The following MYH1 variants were observed in gnomAD, a reference collection of about 807,000 sequenced individuals.
MYH1 encodes the protein myosin heavy chain 1.
A neutral mutation model predicts 225.6 loss-of-function variants in MYH1; 214 were observed. The observed-to-expected ratio is 0.95, with a 90% CI of 0.85 to 1.06. The LOEUF (loss-of-function observed/expected upper bound fraction) is 1.06. Among genes scored for constraint, MYH1 ranks in the 50% least tolerant of loss-of-function variants. MYH1 has a pLI of 0.00. For missense variants in MYH1, 2,098 were observed against 2,344.2 expected (o/e 0.89, Z 2.17); for synonymous variants, 774 against 842.3 (o/e 0.92, Z 1.40).
intron 16 of MYH1, 43 bp from the exon 17 acceptor site, chr17:10,507,999 G>A: frequency 7.1e-7 from 1 of 1,402,658 alleles, no homozygotes; most frequent in Non-Finnish European, 9.9e-7. Context: ...CCTTTCTCTG[G>A]TTATGGTTTT....
Position 10,496,420 on chromosome 17 carries a change from T to C in MYH1, c.4786A>G (p.Arg1596Gly), listed in dbSNP as rs1211590351. The C allele has an allele frequency of 6.2e-7, 1 of 1,613,992 alleles. No individual in the cohort carries two copies. Among genetic ancestry groups the C allele is most frequent in the Non-Finnish European group, 8.5e-7 (1 of 1,180,010 alleles). Residue 1596 changes from arginine (R) to glycine (G), a missense_variant, in exon 34 of 40, where the codon AGA becomes GGA. Coordinates refer to ENST00000226207, the MANE Select transcript of MYH1 (RefSeq NM_005963.4). ...EIDQMKRNHI[R>G]IVESMQSTLD... is the part of the protein sequence containing the mutation. ...GTGCTCTGCATGGACTCCACGATTCTAATGTGGTTTCTCTTCATCTGGTCA... is the reference window on the plus strand; with the variant it reads ...GTGCTCTGCATGGACTCCACGATTCCAATGTGGTTTCTCTTCATCTGGTCA...
Position 10,495,044 on chromosome 17 carries a change from G to A in MYH1, c.5353C>T (p.Arg1785Trp), listed in dbSNP as rs139004562. 33 of 1,614,146 alleles carry A rather than the reference G, an allele frequency of 2.0e-5. No homozygotes were observed. Among genetic ancestry groups the A allele is most frequent in the Middle Eastern group, 3.3e-4 (2 of 6,062 alleles). ...KEQDTSAHLE[R>W]MKKNLEQTVK... ...GTCTGTTCCAGGTTCTTCTTCATCC[G>A]CTCCAGATGGGCGCTGGTGTCCTGT... The change falls in exon 37 of 40, where the codon CGG becomes TGG. Residue 1785 changes from arginine to tryptophan, a missense_variant. Transcript: ENST00000226207.
At chr17:10,504,180 G>T (rs917868815) in intron 22 of MYH1, among the ~76,000 whole-genome samples, 1 of 152,126 alleles carries the variant, frequency 6.6e-6, no homozygotes, top group Non-Finnish European at 1.5e-5. Flanking sequence ...TTAGATAGTG[G>T]CTTTTGATCA....
At chr17:10,506,163 C>T in intron 17 of MYH1, 64 bp from the exon 18 acceptor site, 1 of 1,582,790 alleles carries the variant, frequency 6.3e-7, no homozygotes, top group Non-Finnish European at 8.7e-7. Flanking sequence ...TATTTATAGA[C>T]ATAATTATTG....
chr17:10,508,807 G>A (rs2073142973), intron 15 of MYH1, 135 bp from the exon 16 acceptor site: 1 of 1,308,620 alleles, frequency 7.6e-7, no homozygotes, highest in Non-Finnish European at 1.0e-6. Context: ...CGTTCCTTTG[G>A]TCAGAAGTCA....
chr17:10,518,084 T>C (rs890454245), intron 2 of MYH1, among the ~76,000 whole-genome samples, 156 bp downstream of exon 2: 6 of 152,074 alleles, frequency 3.9e-5, no homozygotes, highest in African/African-American at 1.2e-4. Context: ...GTTTCTAAAG[T>C]CATTCTCCAT....
chr17:10,512,435 C>T lies in MYH1; in HGVS notation c.1120G>A (p.Glu374Lys). The change falls in exon 12 of 40, where the codon GAG becomes AAG. Residue 374 changes from glutamate (E) to lysine (K), a missense_variant. Physicochemically the swap from Glu to Lys is moderately conservative, Grantham distance 56. Coordinates refer to ENST00000226207, the MANE Select transcript of MYH1 (RefSeq NM_005963.4). Reference protein sequence around the residue: ...NMKFKQKQREEQAEPDGTEVA... With the variant: ...NMKFKQKQREKQAEPDGTEVA... ...TCAGTGCCATCTGGCTCAGCTTGCT[C>T]CTCACGCTGCTTTTGCTTGAATTTC... 1 of 1,614,116 alleles carries T rather than the reference C, an allele frequency of 6.2e-7. No homozygotes were observed. Among genetic ancestry groups the T allele is most frequent in the Non-Finnish European group, 8.5e-7 (1 of 1,180,012 alleles).
At position 10,512,521 on chromosome 17, in the gene MYH1, G is replaced by A. The variant is rs150975395; in HGVS notation, c.1034C>T (p.Thr345Ile). 76 of 1,613,986 alleles carry A rather than the reference G, an allele frequency of 4.7e-5. No individual in the cohort carries two copies. In the African/African-American group the frequency reaches 9.9e-4, roughly 21 times the overall value. Reference protein sequence around the residue: ...TDSAIEILGFTSDERVSIYKL... With the variant: ...TDSAIEILGFISDERVSIYKL... ...ATAGATGGACACTCTTTCATCTGAA[G>A]TAAAGCCCAGAATTTCAATGGCACT... The change falls in exon 12 of 40, where the codon ACT (threonine) becomes ATT (isoleucine). Residue 345 changes from threonine to isoleucine, a missense_variant. Coordinates refer to ENST00000226207, the MANE Select transcript of MYH1 (RefSeq NM_005963.4).
At position 10,495,192 on chromosome 17, in the gene MYH1, A is replaced by T. The variant is rs1192114177; in HGVS notation, c.5295T>A (p.Asp1765Glu). The T allele has an allele frequency of 1.2e-6, 2 of 1,614,032 alleles. No homozygotes were observed. The highest frequency in any genetic ancestry group is 2.7e-5 in the African/African-American group (2 of 74,914). ...CACCACTGTGTTACCCTTCACTCAC[A>T]TCAGTGATGGCCTTCTTGGCCTTCT... Reference protein sequence around the residue: ...AEEKAKKAITDAAMMAEELKK... With the variant: ...AEEKAKKAITEAAMMAEELKK... The change falls in exon 36 of 40, where the codon GAT (aspartate) becomes GAA (glutamate). Residue 1765 changes from aspartate to glutamate, a missense_variant and splice_region_variant. Coordinates refer to ENST00000226207, the MANE Select transcript of MYH1 (RefSeq NM_005963.4).
At chr17:10,508,721 A>G in intron 15 of MYH1, 49 bp from the exon 16 acceptor site, 1 of 1,588,062 alleles carries the variant, frequency 6.3e-7, no homozygotes, top group Middle Eastern at 1.7e-4. Context: ...GTCTGCTTAT[A>G]GAAATAACAT....
chr17:10,501,809 C>A lies in MYH1; in HGVS notation c.3214G>T (p.Asp1072Tyr), dbSNP rs1224060220. 9.3e-6 allele frequency: 15 copies of A among 1,613,598 alleles called. No individual in the cohort carries two copies. The highest frequency in any genetic ancestry group is 1.2e-5 in the Non-Finnish European group (14 of 1,179,778). ...AGTTGTTGTTTGTCATTTTCTATAT[C>A]CATTGTGGATTCTTGAGCCAATTTT... is the stretch of plus-strand genomic sequence containing the variant. ...DLKLAQESTM[D>Y]IENDKQQLDE... Residue 1072 changes from aspartate to tyrosine, a missense_variant, in exon 25 of 40, where the codon GAT becomes TAT. Transcript: ENST00000226207.
At position 10,494,931 on chromosome 17, in the gene MYH1, C is replaced by T; in HGVS notation, c.5466G>A (p.Arg1822=). Residue 1822 remains arginine (R), a splice_region_variant and synonymous_variant, in exon 37 of 40, where the codon AGG becomes AGA. Transcript: ENST00000226207. ...AATACATGCTGATTAGGAGACCCAC[C>T]CTGGCCTCCAGTTTCTGGATCTGCT... is the stretch of plus-strand genomic sequence containing the variant. ...GKKQIQKLEA[R]VRELEGEVES... is the part of the protein sequence containing the mutation. 1 of 1,614,044 alleles carries T rather than the reference C, an allele frequency of 6.2e-7. No homozygotes were observed. The highest frequency in any genetic ancestry group is 1.1e-5 in the South Asian group (1 of 91,080).
In MYH1 at chr17:10,505,526, C is replaced by A; in HGVS notation, c.2175-15G>T. 6.2e-7 allele frequency: 1 copy of A among 1,605,788 alleles called. No homozygotes were observed. The highest frequency in any genetic ancestry group is 8.5e-7 in the Non-Finnish European group (1 of 1,177,298). On this transcript the variant is annotated splice_polypyrimidine_tract_variant and intron_variant, in intron 19 of 39. Transcript: ENST00000226207. ...ACACCTTGTATCTGTTTAAGCCAGA[C>A]AAAAAAATGATATGGCTGTTGCCAC...
At chr17:10,500,923 A>T (rs1284351106) in intron 27 of MYH1, among the ~76,000 whole-genome samples, 171 bp from the exon 28 acceptor site, 2 of 152,168 alleles carry the variant, frequency 1.3e-5, no homozygotes, top group African/African-American at 4.8e-5. Flanking sequence ...GACTAATAAG[A>T]TACATAGTCC....
At chr17:10,497,988 G>T in intron 30 of MYH1, 71 bp from the exon 31 acceptor site, 1 of 1,396,860 alleles carries the variant, frequency 7.2e-7, no homozygotes, top group Non-Finnish European at 9.7e-7. Context: ...GTACAAGAGA[G>T]TGAATTCCAC....
In MYH1 at chr17:10,509,545, A is replaced by T; in HGVS notation, c.1527T>A (p.Ile509=). ...TCCCAAAGTCAATGAACGTCCACTCAATGCCTTCCTTCTTGTACTCCTCCT... is the reference window on the plus strand; with the variant it reads ...TCCCAAAGTCAATGAACGTCCACTCTATGCCTTCCTTCTTGTACTCCTCCT... ...LEQEEYKKEG[I]EWTFIDFGMD... Residue 509 remains isoleucine, a synonymous_variant, in exon 15 of 40, where the codon ATT becomes ATA. Transcript: ENST00000226207. 1 of 1,614,190 alleles carries T rather than the reference A, an allele frequency of 6.2e-7. No homozygotes were observed. The highest frequency in any genetic ancestry group is 8.5e-7 in the Non-Finnish European group (1 of 1,180,026).
chr17:10,505,355 G>A, intron 20 of MYH1, 33 bp downstream of exon 20: 2 of 1,614,160 alleles, frequency 1.2e-6, no homozygotes, highest in African/African-American at 1.3e-5. Context: ...AAAGGGACAG[G>A]AATAGCATCA....
Position 10,503,006 on chromosome 17 carries a change from CT to C in MYH1, c.2933del (p.Lys978ArgfsTer2), listed in dbSNP as rs745599237. On this transcript the variant is annotated frameshift_variant and splice_region_variant, in exon 23 of 40. Transcript: ENST00000226207. LOFTEE classifies it high-confidence loss of function. ...CAGTACTGTAGAATATGATTGATAC[CT>C]TGTTTTCTGTGGCATGTTTCTCCTT... ...VEKEKHATEN[K>X]VKNLTEEMAG... 2 of 1,613,880 alleles carry C rather than the reference CT, an allele frequency of 1.2e-6. No individual in the cohort carries two copies. Among genetic ancestry groups the C allele is most frequent in the South Asian group, 2.2e-5 (2 of 91,060 alleles).
At position 10,492,854 on chromosome 17, in the gene MYH1, T is replaced by TTG. The variant is rs1555565572; in HGVS notation, c.5668-287_5668-286insCA. Among the ~76,000 whole-genome samples the TTG allele has an allele frequency of 4.0e-3, 603 of 151,992 alleles. 2 individuals carry two copies. Among genetic ancestry groups the TTG allele is most frequent in the Non-Finnish European group, 5.5e-3 (371 of 67,976 alleles). ...GCCAGGTGTCCAGCTTTGTTTTTTT[T>TTG]TTTGTTTGTTTGTTTGTTTTTTTCA... On this transcript the variant is annotated intron_variant, in intron 39 of 39. Coordinates refer to ENST00000226207, the MANE Select transcript of MYH1 (RefSeq NM_005963.4).
Sources: allele counts gnomAD v4.1 joint callset (sites outside exome capture counted in the v4.1 genomes callset), GRCh38; gene constraint gnomAD v4.1.1; transcripts MANE v1.5; gene names NCBI Gene and HGNC (gene_info 2026-07-23, HGNC 2026-07-21).